Variants in SOX5 observed in about 807,000 individuals in gnomAD.
The protein encoded by SOX5 is transcription factor SOX-5.
SOX5 carries 9 observed loss-of-function variants against 92.0 expected under a neutral mutation model. That is an observed-to-expected ratio of 0.10 (90% CI 0.06 to 0.17). The LOEUF is 0.17. SOX5 is among the 10% of genes least tolerant of loss of function. The pLI, the probability that SOX5 is intolerant of heterozygous loss-of-function variation, is 1.00. For synonymous variants in SOX5, 344 were observed against 336.3 expected (o/e 1.02, Z -0.25); for missense variants, 642 against 944.5 (o/e 0.68, Z 4.20).
chr12:23,930,234 C>T (rs1169129966), intron 1 of SOX5, among the ~76,000 whole-genome samples: 1 of 151,774 alleles, frequency 6.6e-6, no homozygotes, highest in Admixed American at 6.6e-5. Context: ...TGGTAGAATG[C>T]TTCATTTTTA....
chr12:23,552,435 C>G (rs1024134127), intron 11 of SOX5, among the ~76,000 whole-genome samples: 1 of 151,716 alleles, frequency 6.6e-6, no homozygotes, highest in African/African-American at 2.4e-5. Context: ...TGAGCATCCT[C>G]CTATCCATTA....
chr12:24,331,296 G>A (rs1364627392), intron 2 of SOX5: 2 of 152,112 alleles, frequency 1.3e-5, no homozygotes, highest in Admixed American at 6.5e-5. Flanking sequence ...TTAGCTCAAC[G>A]TCAAGCCCCA....
chr12:23,675,576 T>A (rs1237786466), intron 6 of SOX5, among the ~76,000 whole-genome samples: 1 of 152,146 alleles, frequency 6.6e-6, no homozygotes, highest in Non-Finnish European at 1.5e-5. Flanking sequence ...AATACTTAAA[T>A]GTAAGACCTG....
intron 2 of SOX5, among the ~76,000 whole-genome samples, chr12:24,312,366 T>C (rs1399468927): frequency 6.6e-6 from 1 of 152,232 alleles, no homozygotes; most frequent in Non-Finnish European, 1.5e-5. Flanking sequence ...CTTTGCCCAC[T>C]GGTATCATTG....
intron 1 of SOX5, among the ~76,000 whole-genome samples, chr12:24,426,868 A>G (rs185872019): frequency 6.6e-6 from 1 of 151,988 alleles, no homozygotes; most frequent in East Asian, 1.9e-4. Context: ...TTTACCCCTC[A>G]TTATTTATCT....
chr12:24,259,795 T>C (rs995278279), intron 3 of SOX5, among the ~76,000 whole-genome samples: 1 of 152,166 alleles, frequency 6.6e-6, no homozygotes, highest in African/African-American at 2.4e-5. Flanking sequence ...CTATAGTCGG[T>C]GGGACGTTGA....
chr12:23,767,247 C>CAT (rs113813021), intron 3 of SOX5, among the ~76,000 whole-genome samples: 21 of 138,764 alleles, frequency 1.5e-4, no homozygotes, highest in African/African-American at 5.1e-4. Context: ...CACACACACA[C>CAT]ATATATATAT....
intron 2 of SOX5, among the ~76,000 whole-genome samples, chr12:23,877,847 C>T (rs1280546835): frequency 1.3e-5 from 2 of 151,784 alleles, no homozygotes; most frequent in East Asian, 3.9e-4. Context: ...ATAACATTAC[C>T]CTTTATCACT....
At chr12:23,844,374 G>C (rs919862643) in intron 3 of SOX5, among the ~76,000 whole-genome samples, 1 of 152,084 alleles carries the variant, frequency 6.6e-6, no homozygotes, top group Non-Finnish European at 1.5e-5. Context: ...TCTGCATAAA[G>C]CTAATCATAA....
chr12:23,757,443 A>T (rs2094427626), intron 3 of SOX5, among the ~76,000 whole-genome samples: 1 of 151,980 alleles, frequency 6.6e-6, no homozygotes, highest in Admixed American at 6.6e-5. Flanking sequence ...CTCTTCATTG[A>T]CGCTTTAAAA....
At chr12:23,540,447 G>A (rs919437204) in intron 13 of SOX5, among the ~76,000 whole-genome samples, 2 of 151,310 alleles carry the variant, frequency 1.3e-5, no homozygotes, top group African/African-American at 2.4e-5. Context: ...GATGACAAAA[G>A]AGGAAGTTTC....
chr12:23,564,365 C>T (rs1170296917), intron 10 of SOX5, among the ~76,000 whole-genome samples: 1 of 152,172 alleles, frequency 6.6e-6, no homozygotes, highest in African/African-American at 2.4e-5. Context: ...TCTCATCTTT[C>T]TCTCTCCCTA....
At chr12:23,586,735 T>G (rs1369157652) in intron 9 of SOX5, among the ~76,000 whole-genome samples, 1 of 151,846 alleles carries the variant, frequency 6.6e-6, no homozygotes, top group Non-Finnish European at 1.5e-5. Flanking sequence ...TTTGCTTTTT[T>G]GATTAGATGA....
intron 1 of SOX5, among the ~76,000 whole-genome samples, chr12:24,423,723 T>C (rs1966284776): frequency 6.6e-6 from 1 of 152,176 alleles, no homozygotes; most frequent in Non-Finnish European, 1.5e-5. Flanking sequence ...ATTCATCTGA[T>C]GGGTGCCACA....
At chr12:24,279,292 G>A (rs905471301) in intron 2 of SOX5, among the ~76,000 whole-genome samples, 1 of 152,056 alleles carries the variant, frequency 6.6e-6, no homozygotes, top group Non-Finnish European at 1.5e-5. Flanking sequence ...TGAAGATGTA[G>A]CTGGCAAAGC....
At chr12:23,887,419 G>A (rs2097079854) in intron 2 of SOX5, among the ~76,000 whole-genome samples, 4 of 152,160 alleles carry the variant, frequency 2.6e-5, no homozygotes, top group Non-Finnish European at 4.4e-5. Flanking sequence ...ATATAATAAA[G>A]TGCAACTGCA....
rs561660327 is a variant in SOX5 at position 23,622,050 on chromosome 12, G to C, written c.1018-17517C>G. On this transcript the variant is annotated intron_variant, in intron 8 of 14. Transcript: ENST00000451604. ...TTTAGGTCAGCCTTGCTAAATGGAG[G>C]CCTTGGTGTATCGAGACATGCCTTG... 2.6e-5 allele frequency among the ~76,000 whole-genome samples: 4 copies of C among 152,176 alleles called. No individual in the cohort carries two copies. The South Asian group carries it at 8.3e-4, about 32-fold the overall frequency.
At chr12:24,372,021 T>C (rs1956791995) in intron 1 of SOX5, among the ~76,000 whole-genome samples, 1 of 151,902 alleles carries the variant, frequency 6.6e-6, no homozygotes, top group Admixed American at 6.6e-5. Flanking sequence ...GAGAGATCAT[T>C]TGGAAAACTC....
chr12:23,720,882 C>T (rs963789633), intron 6 of SOX5, among the ~76,000 whole-genome samples: 7 of 152,016 alleles, frequency 4.6e-5, no homozygotes, highest in Non-Finnish European at 7.4e-5. Context: ...TGTGTTCATC[C>T]GTACCTACGA....
Sources: allele counts gnomAD v4.1 joint callset (sites outside exome capture counted in the v4.1 genomes callset), GRCh38; gene constraint gnomAD v4.1.1; transcripts MANE v1.5; gene names NCBI Gene and HGNC (gene_info 2026-07-23, HGNC 2026-07-21).